The following INHBC variants were observed in gnomAD, a reference collection of about 807,000 sequenced individuals.
INHBC encodes inhibin subunit beta C.
INHBC carries 10 observed loss-of-function variants against 12.4 expected under a neutral mutation model. The ratio of observed to expected loss-of-function variants is 0.81; its 90% confidence interval spans 0.50 to 1.37. The LOEUF is 1.37. INHBC is among the 40% of genes most tolerant of loss of function. The pLI is 0.00. For synonymous variants in INHBC, 147 were observed against 171.6 expected (o/e 0.86, Z 1.12); for missense variants, 382 against 439.4 (o/e 0.87, Z 1.17).
chr12:57,435,142 G>A lies in INHBC; in HGVS notation c.256G>A (p.Ala86Thr), dbSNP rs777955775. ...LQHLHGVPQGALLEDNREQEC... is the reference protein window; with the variant it reads ...LQHLHGVPQGTLLEDNREQEC... ...GCACCTCCACGGGGTCCCACAGGGG[G>A]CACTTCTAGAGGACAACAGGGAACA... Residue 86 changes from alanine to threonine, a missense_variant, in exon 1 of 2, where the codon GCA becomes ACA. Ala to Thr is a moderately conservative substitution (Grantham distance 58). Transcript: ENST00000309668. 6.2e-7 allele frequency: 1 copy of A among 1,614,008 alleles called. No homozygotes were observed. Among genetic ancestry groups the A allele is most frequent in the Non-Finnish European group, 8.5e-7 (1 of 1,180,020 alleles).
intron 1 of INHBC, 57 bp downstream of exon 1, chr12:57,435,256 G>T: frequency 6.7e-7 from 1 of 1,492,712 alleles, no homozygotes; most frequent in South Asian, 1.3e-5. Context: ...GAAAGGAAAA[G>T]TTTCCTCGCC....
chr12:57,443,239 T>G (rs1387802586), intron 1 of INHBC, among the ~76,000 whole-genome samples: 1 of 143,166 alleles, frequency 7.0e-6, no homozygotes, highest in Non-Finnish European at 1.5e-5. Context: ...TGCCTCAGCC[T>G]CCTGAGTAGC....
In INHBC at chr12:57,437,299, T is replaced by G. The variant is rs116941348; in HGVS notation, c.313+2100T>G. On this transcript the variant is annotated intron_variant, in intron 1 of 1. Transcript: ENST00000309668. ...GATAAAAGAGGACAAGGAAGAGAGA[T>G]AGTTACTTCCATAGACAGGGGAATA... is the stretch of plus-strand genomic sequence containing the variant. 4.5e-3 allele frequency among the ~76,000 whole-genome samples: 680 copies of G among 152,096 alleles called. 2 individuals are homozygous for G. The highest frequency in any genetic ancestry group is 7.4e-3 in the Non-Finnish European group (506 of 67,988).
intron 1 of INHBC, among the ~76,000 whole-genome samples, chr12:57,438,029 G>C (rs999376827): frequency 3.3e-5 from 5 of 152,030 alleles, no homozygotes; most frequent in African/African-American, 1.2e-4. Context: ...CAAGTGATCT[G>C]CTCGCCTCAG....
intron 1 of INHBC, among the ~76,000 whole-genome samples, chr12:57,435,745 G>C (rs905730842): frequency 2.0e-5 from 3 of 152,182 alleles, no homozygotes; most frequent in African/African-American, 7.2e-5. Flanking sequence ...GGATAAAGGG[G>C]CTGGGCACAG....
rs764802184 is a variant in INHBC at position 57,449,745 on chromosome 12, G to C, written c.782G>C (p.Trp261Ser). ...EFFVDFREIG[W>S]HDWIIQPEGY... is the part of the protein sequence containing the mutation. Reference sequence around the variant, plus strand: ...TTTGTGGACTTCCGTGAGATTGGCTGGCACGACTGGATCATCCAGCCTGAG... The same window carrying C: ...TTTGTGGACTTCCGTGAGATTGGCTCGCACGACTGGATCATCCAGCCTGAG... Residue 261 changes from tryptophan to serine, a missense_variant, in exon 2 of 2, where the codon TGG becomes TCG. Trp to Ser is a radical substitution (Grantham distance 177, BLOSUM62 -3). Transcript: ENST00000309668. The C allele has an allele frequency of 5.0e-6, 8 of 1,614,118 alleles. No homozygotes were observed.
In INHBC at chr12:57,449,636, G is replaced by A. The variant is rs138308060; in HGVS notation, c.673G>A (p.Val225Met). Residue 225 changes from valine to methionine, a missense_variant, in exon 2 of 2, where the codon GTG becomes ATG. Coordinates refer to ENST00000309668, the MANE Select transcript of INHBC (RefSeq NM_005538.4). ...AAHRPFVAAR[V>M]RVGGKHQIHR... ...CCATAGGCCTTTTGTGGCAGCCCGG[G>A]TGAGAGTTGGGGGCAAACACCAGAT... The A allele has an allele frequency of 1.4e-4, 218 of 1,614,134 alleles. No homozygotes were observed. The highest frequency in any genetic ancestry group is 9.7e-5 in the Non-Finnish European group (115 of 1,180,056).
At chr12:57,439,963 A>G (rs1870426150) in intron 1 of INHBC, among the ~76,000 whole-genome samples, 1 of 152,160 alleles carries the variant, frequency 6.6e-6, no homozygotes, top group Non-Finnish European at 1.5e-5. Context: ...CTCCTGCTTC[A>G]GCGTCCTGAG....
chr12:57,436,167 CT>C (rs35783961), intron 1 of INHBC, among the ~76,000 whole-genome samples: 376 of 118,364 alleles, frequency 3.2e-3, no homozygotes, highest in Middle Eastern at 0.014. Context: ...TTTTAAAAAA[CT>C]TTTTTTTTTT....
rs1215210619 is a variant in INHBC at position 57,451,488 on chromosome 12, C to T, written c.*1466C>T. 6.6e-6 allele frequency among the ~76,000 whole-genome samples: 1 copy of T among 152,142 alleles called. No individual in the cohort carries two copies. The highest frequency in any genetic ancestry group is 1.9e-4 in the East Asian group (1 of 5,190). On this transcript the variant is annotated 3_prime_UTR_variant, in exon 2 of 2. Transcript: ENST00000309668. ...GCTCTGAGACTGGGTCCTTTTTAGA[C>T]CTTTGCCCGTCCTCCCCCACATCTC...
chr12:57,436,494 A>T (rs1444622816), intron 1 of INHBC, among the ~76,000 whole-genome samples: 48 of 56,814 alleles, frequency 8.4e-4, no homozygotes, highest in East Asian at 1.4e-3. Flanking sequence ...TTTTTTTTTG[A>T]GACAGAGTCT....
At position 57,435,118 on chromosome 12, in the gene INHBC, C is replaced by T. The variant is rs758237282; in HGVS notation, c.232C>T (p.His78Tyr). Residue 78 changes from histidine to tyrosine, a missense_variant, in exon 1 of 2, where the codon CAC becomes TAC. By Grantham distance (83) the His-to-Tyr change is moderately conservative. Transcript: ENST00000309668. The part of the protein sequence containing the change: ...SRAALRTALQ[H>Y]LHGVPQGALL... ...AGCTGCTTTGAGGACTGCACTGCAG[C>T]ACCTCCACGGGGTCCCACAGGGGGC... The T allele has an allele frequency of 3.1e-6, 5 of 1,614,202 alleles. No homozygotes were observed. In the South Asian group the frequency reaches 3.3e-5, roughly 11 times the overall value.
At chr12:57,437,031 A>G (rs1870356993) in intron 1 of INHBC, among the ~76,000 whole-genome samples, 1 of 152,102 alleles carries the variant, frequency 6.6e-6, no homozygotes, top group East Asian at 1.9e-4. Context: ...TTTTGGGCTC[A>G]AGCAATCCAC....
At chr12:57,437,975 G>A (rs1233382466) in intron 1 of INHBC, among the ~76,000 whole-genome samples, 15 of 151,864 alleles carry the variant, frequency 9.9e-5, no homozygotes, top group Admixed American at 9.9e-4. Flanking sequence ...TAGTAGAGAC[G>A]GGGTTTCACC....
chr12:57,435,719 TG>T (rs754314547), intron 1 of INHBC, among the ~76,000 whole-genome samples: 19 of 152,110 alleles, frequency 1.2e-4, no homozygotes, highest in Non-Finnish European at 2.2e-4. Context: ...AGGGTCAAAA[TG>T]GGACTCAGAA....
rs1375930139 is a variant in INHBC at position 57,445,704 on chromosome 12, C to G, written c.314-3573C>G. On this transcript the variant is annotated intron_variant, in intron 1 of 1. Transcript: ENST00000309668. ...AGGAGTTCAAGACCAGTCTGGGTAA[C>G]ATAGTGAGACCCCCCGCCCATCTCC... 3.2e-4 allele frequency among the ~76,000 whole-genome samples: 44 copies of G among 136,666 alleles called. No individual in the cohort carries two copies. In the Admixed American group the frequency reaches 3.3e-3, roughly 10 times the overall value. 89.7% of individuals were successfully genotyped at this position (136,666 alleles called of 152,430 possible).
rs1346397907 is a variant in INHBC, at chr12:57,451,122, T to C, written c.*1100T>C. On this transcript the variant is annotated 3_prime_UTR_variant, in exon 2 of 2. Coordinates refer to ENST00000309668, the MANE Select transcript of INHBC (RefSeq NM_005538.4). ...ACTATTGTATCCATCTCACACTTTA[T>C]GCCTCTTCTTTCTTAGGCACCCCGT... is the stretch of plus-strand genomic sequence containing the variant. Among the ~76,000 whole-genome samples the C allele has an allele frequency of 6.6e-6, 1 of 152,258 alleles. No homozygotes were observed. Among genetic ancestry groups the C allele is most frequent in the Non-Finnish European group, 1.5e-5 (1 of 68,042 alleles).
rs1870667907 is a variant in INHBC at position 57,449,725 on chromosome 12, G to T, written c.762G>T (p.Val254=). The T allele has an allele frequency of 2.5e-6, 4 of 1,614,250 alleles. No homozygotes were observed. The highest frequency in any genetic ancestry group is 3.4e-6 in the Non-Finnish European group (4 of 1,180,046). Residue 254 remains valine, a synonymous_variant, in exon 2 of 2, where the codon GTG becomes GTT. Coordinates refer to ENST00000309668, the MANE Select transcript of INHBC (RefSeq NM_005538.4). ...TGTGCTGTCGACAAGAGTTTTTTGT[G>T]GACTTCCGTGAGATTGGCTGGCACG... The part of the protein sequence containing the change: ...SRMCCRQEFF[V]DFREIGWHDW...
At chr12:57,447,178 T>C (rs560882402) in intron 1 of INHBC, among the ~76,000 whole-genome samples, 1 of 152,206 alleles carries the variant, frequency 6.6e-6, no homozygotes, top group Non-Finnish European at 1.5e-5. Flanking sequence ...AAAGTAATCA[T>C]AGTTTGTTTT....
Sources: gnomAD v4.1 joint callset for allele counts (sites outside exome capture counted in the v4.1 genomes callset) on GRCh38, gnomAD v4.1.1 for gene constraint, MANE v1.5 for transcripts, NCBI Gene and HGNC (gene_info 2026-07-23, HGNC 2026-07-21) for gene names.